The following MLLT3 variants were observed in gnomAD, a reference collection of about 807,000 sequenced individuals.
MLLT3 encodes protein AF-9.
In MLLT3, 4 loss-of-function variants were observed where a neutral mutation model predicts 53.2. The ratio of observed to expected loss-of-function variants is 0.08; its 90% CI spans 0.04 to 0.17. The LOEUF (loss-of-function observed/expected upper bound fraction) is 0.17, where lower values mean the gene tolerates loss of function less well. Ranked by LOEUF, MLLT3 falls within the 10% of genes least tolerant of loss-of-function variation. MLLT3 has a pLI of 1.00. For missense variants in MLLT3, 569 were observed against 684.0 expected (o/e 0.83, Z 1.87); for synonymous variants, 283 against 230.6 (o/e 1.23, Z -2.06).
rs535996026 is a variant in MLLT3, at chr9:20,412,988, A to G, written c.1125+733T>C. 2.6e-5 allele frequency among the ~76,000 whole-genome samples: 4 copies of G among 152,320 alleles called. No individual in the cohort carries two copies. The South Asian group carries it at 6.2e-4, about 24-fold the overall frequency. On this transcript the variant is annotated intron_variant, in intron 5 of 10. Transcript: ENST00000380338. ...TCAAAAAACACCTTTTAGGGGAATTAGATGGTCAGATGCTCTCTTAGGCAT... is the reference window on the plus strand; with the variant it reads ...TCAAAAAACACCTTTTAGGGGAATTGGATGGTCAGATGCTCTCTTAGGCAT...
rs189098150 is a variant in MLLT3 at position 20,560,351 on chromosome 9, G to A, written c.193+60303C>T. Among the ~76,000 whole-genome samples, 26 of 152,220 alleles carry A rather than the reference G, an allele frequency of 1.7e-4. No individual in the cohort carries two copies. The East Asian group carries it at 4.0e-3, about 24-fold the overall frequency. ...TACTATTTTGAAAGATGATGTATAC[G>A]AAAATTAGCAAAAGAAAACATATTA... On this transcript the variant is annotated intron_variant, in intron 2 of 10. Coordinates refer to ENST00000380338, the MANE Select transcript of MLLT3 (RefSeq NM_004529.4).
intron 2 of MLLT3, among the ~76,000 whole-genome samples, chr9:20,478,002 G>A (rs1824568010): frequency 6.6e-6 from 1 of 152,224 alleles, no homozygotes; most frequent in African/African-American, 2.4e-5. Context: ...AGCTGCCAAA[G>A]TAAAAAGTAC....
intron 2 of MLLT3, among the ~76,000 whole-genome samples, chr9:20,463,714 A>G (rs1824168173): frequency 2.0e-5 from 3 of 152,208 alleles, no homozygotes; most frequent in Non-Finnish European, 4.4e-5. Context: ...GAGAAGGTTC[A>G]ACCTAGAAAC....
At chr9:20,415,388 C>A in intron 4 of MLLT3, 1 of 735,946 alleles carries the variant, frequency 1.4e-6, no homozygotes, top group South Asian at 6.1e-5. Context: ...AATATATAAC[C>A]TATATATAAT....
At chr9:20,437,475 T>C (rs1237082401) in intron 4 of MLLT3, among the ~76,000 whole-genome samples, 1 of 150,416 alleles carries the variant, frequency 6.6e-6, no homozygotes. Flanking sequence ...ATCCCAGGGG[T>C]TGGTGTGTAT....
At chr9:20,513,756 G>C (rs1325132019) in intron 2 of MLLT3, among the ~76,000 whole-genome samples, 3 of 152,208 alleles carry the variant, frequency 2.0e-5, no homozygotes, top group Non-Finnish European at 4.4e-5. Flanking sequence ...CCGGGAGGAG[G>C]CAGGGAGTGG....
Position 20,363,623 on chromosome 9 carries a change from A to G in MLLT3, c.1202-18T>C, listed in dbSNP as rs764806294. 2 of 1,611,886 alleles carry G rather than the reference A, an allele frequency of 1.2e-6. No homozygotes were observed. The highest frequency in any genetic ancestry group is 1.7e-6 in the Non-Finnish European group (2 of 1,179,522). On this transcript the variant is annotated intron_variant, in intron 6 of 10. Transcript: ENST00000380338. Reference sequence around the variant, plus strand: ...CAAAGGACCTGAGTAATGACAATGAACCACAGGCAATCAAACATATACTCA... The same window carrying G: ...CAAAGGACCTGAGTAATGACAATGAGCCACAGGCAATCAAACATATACTCA...
intron 2 of MLLT3, among the ~76,000 whole-genome samples, chr9:20,563,436 C>A (rs769110317): frequency 1.3e-5 from 2 of 152,028 alleles, no homozygotes; most frequent in Non-Finnish European, 2.9e-5. Context: ...TTGAAACAGC[C>A]TTTTCCTTTT....
intron 5 of MLLT3, chr9:20,410,452 A>C (rs1400581778): frequency 6.6e-6 from 1 of 152,200 alleles, no homozygotes; most frequent in African/African-American, 2.4e-5. Flanking sequence ...GAGGAAACTA[A>C]GAAACAGAGA....
chr9:20,504,127 C>T (rs1825323035), intron 2 of MLLT3, among the ~76,000 whole-genome samples: 1 of 152,098 alleles, frequency 6.6e-6, no homozygotes, highest in Non-Finnish European at 1.5e-5. Flanking sequence ...CTAGTATAGC[C>T]ATTATGGAAA....
chr9:20,595,995 A>G (rs1290344068), intron 2 of MLLT3, among the ~76,000 whole-genome samples: 1 of 152,220 alleles, frequency 6.6e-6, no homozygotes, highest in Non-Finnish European at 1.5e-5. Context: ...TTTAAAAGCC[A>G]CATATGTCTA....
chr9:20,530,088 A>G (rs1185395307), intron 2 of MLLT3, among the ~76,000 whole-genome samples: 1 of 152,200 alleles, frequency 6.6e-6, no homozygotes, highest in Non-Finnish European at 1.5e-5. Flanking sequence ...AAGCCTATAC[A>G]CGTCAACAGT....
In MLLT3 at chr9:20,344,670, T is replaced by C. The variant is rs1459390428; in HGVS notation, c.*1773A>G. The C allele has an allele frequency of 9.6e-6, 2 of 207,858 alleles. No homozygotes were observed. The highest frequency in any genetic ancestry group is 4.5e-5 in the African/African-American group (2 of 44,000). The allele number at this position is 207,858 out of a possible 1,614,324, so 12.9% of individuals were successfully genotyped here. A position where few individuals can be genotyped will look rare whatever the true frequency, so the allele number is the denominator to read the frequency against. On this transcript the variant is annotated 3_prime_UTR_variant, in exon 11 of 11. Coordinates refer to ENST00000380338, the MANE Select transcript of MLLT3 (RefSeq NM_004529.4). ...TACAAGGAGCATGGCTGTATTATAA[T>C]TTTTTAAAGGAAAAATAGTTTCTTT...
chr9:20,397,543 C>G (rs1822353460), intron 5 of MLLT3, among the ~76,000 whole-genome samples: 1 of 152,114 alleles, frequency 6.6e-6, no homozygotes, highest in East Asian at 1.9e-4. Flanking sequence ...AGAAAGGCAG[C>G]TCTGCAGGAC....
At chr9:20,487,353 G>T (rs1323800474) in intron 2 of MLLT3, among the ~76,000 whole-genome samples, 1 of 152,058 alleles carries the variant, frequency 6.6e-6, no homozygotes, top group African/African-American at 2.4e-5. Context: ...TAGGACTTTT[G>T]CTACTAGGAT....
At chr9:20,606,015 G>A (rs1242207302) in intron 2 of MLLT3, among the ~76,000 whole-genome samples, 1 of 152,096 alleles carries the variant, frequency 6.6e-6, no homozygotes, top group African/African-American at 2.4e-5. Context: ...GGGTTAATAT[G>A]TTTCACTTTA....
chr9:20,493,101 A>C (rs562777859), intron 2 of MLLT3, among the ~76,000 whole-genome samples: 2 of 151,946 alleles, frequency 1.3e-5, no homozygotes, highest in Non-Finnish European at 2.9e-5. Flanking sequence ...GCCTACTTCA[A>C]TATTTTGCAG....
intron 5 of MLLT3, among the ~76,000 whole-genome samples, chr9:20,372,195 G>A (rs929092215): frequency 6.6e-6 from 1 of 152,162 alleles, no homozygotes; most frequent in Admixed American, 6.5e-5. Flanking sequence ...TACTCCTGGT[G>A]AAAATGCTAG....
At chr9:20,346,729 T>G (rs1820880281) in intron 10 of MLLT3, among the ~76,000 whole-genome samples, 155 bp from the exon 11 acceptor site, 1 of 152,160 alleles carries the variant, frequency 6.6e-6, no homozygotes, top group South Asian at 2.1e-4. Context: ...TTAAACTGTC[T>G]CAGTCAACTT....
Sources: allele counts gnomAD v4.1 joint callset (sites outside exome capture counted in the v4.1 genomes callset), GRCh38; gene constraint gnomAD v4.1.1; transcripts MANE v1.5; gene names NCBI Gene and HGNC (gene_info 2026-07-23, HGNC 2026-07-21).